Variants in SLC25A48 observed in about 807,000 individuals in gnomAD.
SLC25A48 encodes CTC-321K16.1.
Under a neutral mutation model 32.2 loss-of-function variants are expected in SLC25A48, and 29 were observed. The observed-to-expected ratio is 0.90, with a 90% CI of 0.67 to 1.23. The LOEUF (loss-of-function observed/expected upper bound fraction) is 1.23. Among genes scored for constraint, SLC25A48 ranks in the 50% most tolerant of loss-of-function variants. The pLI is 0.00. For missense variants in SLC25A48, 399 were observed against 422.7 expected, an observed-to-expected ratio of 0.94 and a Z score of 0.49; for synonymous variants, 164 against 172.3, an observed-to-expected ratio of 0.95 and a Z score of 0.38.
chr5:135,715,597 A>C (rs185796669), intron 3 of SLC25A48, among the ~76,000 whole-genome samples: 10 of 152,340 alleles, frequency 6.6e-5, no homozygotes, highest in Admixed American at 2.6e-4. Context: ...ACTTCACCTT[A>C]CTGGACGCTC....
intron 1 of SLC25A48, among the ~76,000 whole-genome samples, chr5:135,839,289 C>T (rs1262714989): frequency 6.6e-6 from 1 of 152,138 alleles, no homozygotes; most frequent in Non-Finnish European, 1.5e-5. Flanking sequence ...CATGAGAACC[C>T]ACCTCTTGCA....
At chr5:135,720,325 A>G (rs1754919411) in intron 3 of SLC25A48, among the ~76,000 whole-genome samples, 1 of 139,162 alleles carries the variant, frequency 7.2e-6, no homozygotes, top group African/African-American at 2.6e-5. Context: ...TGGAAGCCCC[A>G]GTTGGCACAG....
intron 3 of SLC25A48, among the ~76,000 whole-genome samples, chr5:135,811,174 A>C (rs1757582916): frequency 6.6e-6 from 1 of 152,158 alleles, no homozygotes; most frequent in Non-Finnish European, 1.5e-5. Context: ...GAGCGGAAGG[A>C]GGGTTCCTCT....
At chr5:135,613,382 C>T (rs1752117617) in intron 1 of SLC25A48, among the ~76,000 whole-genome samples, 1 of 152,062 alleles carries the variant, frequency 6.6e-6, no homozygotes, top group Non-Finnish European at 1.5e-5. Context: ...TAACAGAGTG[C>T]CTCTTCACTC....
intron 3 of SLC25A48, among the ~76,000 whole-genome samples, chr5:135,691,643 CTA>C (rs747838858): frequency 6.6e-6 from 1 of 152,224 alleles, no homozygotes; most frequent in Non-Finnish European, 1.5e-5. Context: ...GTTGGATACT[CTA>C]TAAATGACCT....
chr5:135,746,184 C>T (rs939396615), intron 3 of SLC25A48: 3 of 159,614 alleles, frequency 1.9e-5, no homozygotes, highest in African/African-American at 7.2e-5. Flanking sequence ...ATCCCGCTCC[C>T]TCCCTCCCAT....
intron 4 of SLC25A48, among the ~76,000 whole-genome samples, chr5:135,860,494 C>T (rs973034518): frequency 6.6e-6 from 1 of 152,174 alleles, no homozygotes; most frequent in Non-Finnish European, 1.5e-5. Flanking sequence ...CCCACTTTAT[C>T]GGACTGTTGC....
chr5:135,861,719 A>G (rs1358120329), intron 4 of SLC25A48, among the ~76,000 whole-genome samples: 4 of 152,194 alleles, frequency 2.6e-5, no homozygotes, highest in Non-Finnish European at 5.9e-5. Flanking sequence ...ATTTAGGGTT[A>G]TTTCCCTAAA....
chr5:135,729,312 A>G (rs1403651075), intron 3 of SLC25A48, among the ~76,000 whole-genome samples: 2 of 152,198 alleles, frequency 1.3e-5, no homozygotes, highest in Non-Finnish European at 2.9e-5. Context: ...CAAGGGATTT[A>G]CATTTTCAAA....
chr5:135,614,966 C>T (rs114986195), intron 1 of SLC25A48, among the ~76,000 whole-genome samples: 5,927 of 152,254 alleles, frequency 0.039, 369 homozygotes, highest in African/African-American at 0.14. Context: ...TAAGACGTGC[C>T]TGCTTTCTCT....
Position 135,851,681 on chromosome 5 carries a change from T to C in SLC25A48, c.163-882T>C, listed in dbSNP as rs139414925. Among the ~76,000 whole-genome samples the C allele has an allele frequency of 1.2e-3, 183 of 152,258 alleles. 1 individual carries two copies. Among genetic ancestry groups the C allele is most frequent in the African/African-American group, 3.9e-3 (162 of 41,550 alleles). ...GTACAGTGTGCGCAGTGAGGACTAG[T>C]GGGTTTGTGCACAGCCTGGAGTCTG... On this transcript the variant is annotated intron_variant, in intron 3 of 7. Transcript: ENST00000681962.
chr5:135,840,520 A>AT (rs577132421), intron 1 of SLC25A48, among the ~76,000 whole-genome samples: 192 of 152,260 alleles, frequency 1.3e-3, no homozygotes, highest in African/African-American at 4.5e-3. Flanking sequence ...GTTCCAAAAC[A>AT]TTTTTCTCAT....
At chr5:135,789,982 T>C (rs1165258424) in intron 3 of SLC25A48, among the ~76,000 whole-genome samples, 4 of 151,990 alleles carry the variant, frequency 2.6e-5, no homozygotes, top group Non-Finnish European at 5.9e-5. Flanking sequence ...AGTATAATAC[T>C]ATGAACAATA....
chr5:135,747,684 T>C (rs1286467555), intron 3 of SLC25A48, among the ~76,000 whole-genome samples: 1 of 152,218 alleles, frequency 6.6e-6, no homozygotes, highest in Non-Finnish European at 1.5e-5. Flanking sequence ...AAACTTTACC[T>C]GGCCCCAGAC....
intron 3 of SLC25A48, among the ~76,000 whole-genome samples, chr5:135,779,498 C>A (rs1756666622): frequency 6.8e-6 from 1 of 147,880 alleles, no homozygotes. Flanking sequence ...GATGATATTA[C>A]TCCCAATATT....
intron 6 of SLC25A48, among the ~76,000 whole-genome samples, chr5:135,878,312 A>G (rs10069670): frequency 0.062 from 9,443 of 152,264 alleles, 702 homozygotes; most frequent in African/African-American, 0.17. Flanking sequence ...AGCCAAGCCC[A>G]GACCCACAGG....
rs74562232 is a variant in SLC25A48 at position 135,836,564 on chromosome 5, A to G, written c.46+1671A>G. ...TTTACAAAGAGGTGCAACCATCACC[A>G]TAAATTTGTTTTAGAACATTTTCAT... On this transcript the variant is annotated intron_variant, in intron 1 of 7. Coordinates refer to ENST00000681962, the MANE Select transcript of SLC25A48 (RefSeq NM_001349336.2). 3.5e-3 allele frequency among the ~76,000 whole-genome samples: 527 copies of G among 152,330 alleles called. 3 individuals are homozygous for G. Among genetic ancestry groups the G allele is most frequent in the Middle Eastern group, 0.027 (8 of 294 alleles).
intron 3 of SLC25A48, among the ~76,000 whole-genome samples, chr5:135,709,319 A>T (rs1754597576): frequency 1.3e-5 from 2 of 152,176 alleles, no homozygotes; most frequent in African/African-American, 4.8e-5. Flanking sequence ...CTCCAACCCC[A>T]CCCAAGTCCT....
intron 3 of SLC25A48, among the ~76,000 whole-genome samples, chr5:135,778,534 C>T (rs372837356): frequency 0.015 from 2,339 of 151,302 alleles, 42 homozygotes; most frequent in African/African-American, 0.044. Flanking sequence ...AGAGGGTGTA[C>T]ACCATCCTGT....
Sources: allele counts gnomAD v4.1 joint callset (sites outside exome capture counted in the v4.1 genomes callset), GRCh38; gene constraint gnomAD v4.1.1; transcripts MANE v1.5; gene names NCBI Gene and HGNC (gene_info 2026-07-23, HGNC 2026-07-21).